The following PLSCR2 variants were observed in gnomAD, a reference collection of about 807,000 sequenced individuals.
PLSCR2 encodes the protein phospholipid scramblase 2, also known as PL scramblase 2.
PLSCR2 carries 18 observed loss-of-function variants against 25.3 expected under a neutral mutation model. The ratio of observed to expected loss-of-function variants is 0.71; its 90% CI spans 0.49 to 1.06. PLSCR2 has a LOEUF of 1.06. Among genes scored for constraint, PLSCR2 ranks in the 50% least tolerant of loss-of-function variants. The pLI is 0.00. For missense variants in PLSCR2, 243 were observed against 269.5 expected (o/e 0.90, Z 0.69); for synonymous variants, 88 against 87.3 (o/e 1.01, Z -0.04).
rs531684156 is a variant in PLSCR2 at position 146,449,376 on chromosome 3, CAA to C, written c.484-11_484-10del. On this transcript the variant is annotated splice_polypyrimidine_tract_variant and intron_variant, in intron 5 of 6. Transcript: ENST00000610787. ...TCATCAAGAGATGTAATCTAAATTG[CAA>C]AAAAAAAAAAAACTTAAAAATTTCT... The C allele has an allele frequency of 1.1e-3, 1,417 of 1,243,506 alleles. No homozygotes were observed. Among genetic ancestry groups the C allele is most frequent in the South Asian group, 2.0e-3 (137 of 67,158 alleles). The allele number at this position is 1,243,506 out of a possible 1,614,324, so 77.0% of individuals were successfully genotyped here.
At chr3:146,489,064 G>A (rs1462116110) in intron 1 of PLSCR2, among the ~76,000 whole-genome samples, 1 of 152,050 alleles carries the variant, frequency 6.6e-6, no homozygotes, top group African/African-American at 2.4e-5. Context: ...ACAAACACAG[G>A]AGCAGAAAAC....
chr3:146,458,520 GTTT>G (rs1166176106), intron 2 of PLSCR2, 67 bp from the exon 3 acceptor site: 2 of 1,142,428 alleles, frequency 1.8e-6, no homozygotes, highest in East Asian at 6.0e-5. Flanking sequence ...TACTATTCAT[GTTT>G]TTATTTAATA....
At chr3:146,452,041 C>T (rs984888894) in intron 5 of PLSCR2, among the ~76,000 whole-genome samples, 3 of 152,128 alleles carry the variant, frequency 2.0e-5, no homozygotes, top group African/African-American at 7.2e-5. Flanking sequence ...GTGAATCCTG[C>T]TTTATAGCTA....
intron 3 of PLSCR2, among the ~76,000 whole-genome samples, chr3:146,392,762 G>T (rs1027795976): frequency 8.0e-5 from 12 of 150,154 alleles, no homozygotes; most frequent in African/African-American, 2.2e-4. Context: ...GACCTATTTT[G>T]TCTAGAGTAC....
rs1181113689 is a variant in PLSCR2 at position 146,495,870 on chromosome 3, C to G, written c.-293+25G>C. 3.3e-6 allele frequency: 5 copies of G among 1,526,702 alleles called. No homozygotes were observed. The South Asian group carries it at 4.8e-5, about 15-fold the overall frequency. The allele number at this position is 1,526,702 out of a possible 1,614,324, so 94.6% of individuals were successfully genotyped here. A position where few individuals can be genotyped will look rare whatever the true frequency, so the allele number is the denominator to read the frequency against. On this transcript the variant is annotated intron_variant, in intron 1 of 8. Coordinates refer to the PLSCR2 transcript ENST00000336685. ...ATCAACATTTGAAGCACGTTAGTCT[C>G]TGGAAACTACATGTCATTGGCTACC...
intron 1 of PLSCR2, among the ~76,000 whole-genome samples, chr3:146,478,934 G>A (rs568312913): frequency 2.3e-3 from 353 of 152,214 alleles, no homozygotes; most frequent in Non-Finnish European, 4.0e-3. Flanking sequence ...AGTGGGGGCC[G>A]ATATTCAACA....
intron 2 of PLSCR2, among the ~76,000 whole-genome samples, chr3:146,399,781 TCC>T: frequency 2.8e-5 from 1 of 35,334 alleles, no homozygotes; most frequent in African/African-American, 7.8e-5. Flanking sequence ...GCTTTCTTCT[TCC>T]TCCTTCTTTC....
At chr3:146,478,173 C>T (rs922817044) in intron 1 of PLSCR2, among the ~76,000 whole-genome samples, 1 of 152,298 alleles carries the variant, frequency 6.6e-6, no homozygotes, top group Non-Finnish European at 1.5e-5. Flanking sequence ...AACCAGAGCA[C>T]CCCTTCTCCT....
intron 2 of PLSCR2, among the ~76,000 whole-genome samples, chr3:146,397,394 A>G (rs867008560): frequency 5.4e-4 from 82 of 152,172 alleles, no homozygotes; most frequent in African/African-American, 1.7e-3. Context: ...GCTCCCTTAA[A>G]TTTTGTACCT....
chr3:146,398,443 T>G (rs1262835693), intron 2 of PLSCR2, among the ~76,000 whole-genome samples: 1 of 151,708 alleles, frequency 6.6e-6, no homozygotes, highest in African/African-American at 2.4e-5. Context: ...TTCTGATACC[T>G]TTAAAACTTG....
At chr3:146,467,104 G>GTGTGTGTACAGGTACACA (rs1336829166) in intron 1 of PLSCR2, among the ~76,000 whole-genome samples, 1 of 152,148 alleles carries the variant, frequency 6.6e-6, no homozygotes, top group Non-Finnish European at 1.5e-5. Context: ...GTGCTATAGA[G>GTGTGTGTACAGGTACACA]TGTGTGTACA....
At chr3:146,444,281 G>T (rs1049726767) in intron 6 of PLSCR2, among the ~76,000 whole-genome samples, 2 of 151,892 alleles carry the variant, frequency 1.3e-5, no homozygotes, top group African/African-American at 4.8e-5. Context: ...GGGTCCATTT[G>T]GTTTATAGTG....
At chr3:146,405,594 G>A (rs138747015) in intron 2 of PLSCR2, among the ~76,000 whole-genome samples, 3 of 152,248 alleles carry the variant, frequency 2.0e-5, no homozygotes, top group South Asian at 4.1e-4. Context: ...GAATCAAATC[G>A]TTGATTCCTC....
chr3:146,458,791 G>A (rs1191690088), intron 2 of PLSCR2, among the ~76,000 whole-genome samples: 1 of 151,914 alleles, frequency 6.6e-6, no homozygotes, highest in East Asian at 1.9e-4. Context: ...AGCTTTTACT[G>A]TAAGTCTCAG....
At chr3:146,424,648 T>A (rs1388957810) in intron 2 of PLSCR2, among the ~76,000 whole-genome samples, 2 of 152,080 alleles carry the variant, frequency 1.3e-5, no homozygotes, top group Non-Finnish European at 2.9e-5. Flanking sequence ...CCAAATATAT[T>A]AAATGAAAAA....
At chr3:146,403,539 T>G (rs2038552559) in intron 2 of PLSCR2, among the ~76,000 whole-genome samples, 1 of 152,190 alleles carries the variant, frequency 6.6e-6, no homozygotes, top group Non-Finnish European at 1.5e-5. Flanking sequence ...ATGTTTAGAT[T>G]CCCAATATTT....
chr3:146,421,803 C>T (rs1005285082), intron 2 of PLSCR2, among the ~76,000 whole-genome samples: 2 of 152,046 alleles, frequency 1.3e-5, no homozygotes, highest in African/African-American at 4.8e-5. Context: ...GACCTTTGGG[C>T]CAAATCAGGC....
exon 1 of PLSCR2, chr3:146,460,287 G>A (rs2041491524): frequency 2.3e-5 from 28 of 1,199,586 alleles, no homozygotes; most frequent in Non-Finnish European, 3.0e-5. Flanking sequence ...GTGGTTCACT[G>A]TGAATAGAGT....
intron 1 of PLSCR2, among the ~76,000 whole-genome samples, chr3:146,483,428 AAT>A (rs546837366): frequency 2.1e-4 from 22 of 103,678 alleles, no homozygotes; most frequent in Non-Finnish European, 2.4e-4. Flanking sequence ...ACTTAAACTT[AAT>A]ATATATATAT....
Sources: gnomAD v4.1 joint callset for allele counts (sites outside exome capture counted in the v4.1 genomes callset) on GRCh38, gnomAD v4.1.1 for gene constraint, MANE v1.5 for transcripts, NCBI Gene and HGNC (gene_info 2026-07-23, HGNC 2026-07-21) for gene names.